STK32C: variants seen among roughly 807,000 people sequenced by gnomAD.
The protein encoded by STK32C is serine/threonine kinase 32C.
STK32C carries 31 observed loss-of-function variants against 56.5 expected under a neutral mutation model. That is an observed-to-expected ratio of 0.55 (90% CI 0.41 to 0.74). The LOEUF (loss-of-function observed/expected upper bound fraction) is 0.74, where lower values mean the gene tolerates loss of function less well. Ranked by LOEUF, STK32C falls within the 30% of genes least tolerant of loss-of-function variation. The pLI is 0.00. For missense variants in STK32C, 544 were observed against 676.9 expected (o/e 0.80, Z 2.18); for synonymous variants, 309 against 289.4 (o/e 1.07, Z -0.69).
At chr10:132,265,028 G>A (rs1033236795) in intron 1 of STK32C, among the ~76,000 whole-genome samples, 8 of 152,228 alleles carry the variant, frequency 5.3e-5, no homozygotes, top group African/African-American at 1.9e-4. Context: ...GCTGCAACAT[G>A]AGAACAGTAG....
intron 3 of STK32C, among the ~76,000 whole-genome samples, chr10:132,227,311 C>T (rs991588043): frequency 1.3e-5 from 2 of 152,354 alleles, no homozygotes; most frequent in Non-Finnish European, 2.9e-5. Flanking sequence ...CAGACATTTG[C>T]CTCGGAGGGT....
At chr10:132,224,884 G>A (rs1292772457) in intron 7 of STK32C, among the ~76,000 whole-genome samples, 1 of 152,160 alleles carries the variant, frequency 6.6e-6, no homozygotes, top group African/African-American at 2.4e-5. Context: ...TCCAGGACTG[G>A]CCTCGCCGTG....
chr10:132,265,205 TGGGCTCTGGGGGAGCTGCCAGGGCAGC>T (rs2064470776), intron 1 of STK32C, among the ~76,000 whole-genome samples: 2 of 137,926 alleles, frequency 1.5e-5, no homozygotes, highest in South Asian at 4.4e-4. Flanking sequence ...GGCAGTGAGG[TGGGCTCTGGGGGAGCTGCCAGGGCAGC>T]GAGGTGGCTC....
intron 1 of STK32C, among the ~76,000 whole-genome samples, chr10:132,261,896 C>T (rs910732842): frequency 6.6e-6 from 1 of 152,134 alleles, no homozygotes; most frequent in Non-Finnish European, 1.5e-5. Flanking sequence ...TTCAATGCTC[C>T]TCCTATCAAA....
At position 132,307,549 on chromosome 10, in the gene STK32C, G is replaced by T. The variant is rs777815203; in HGVS notation, c.262+23C>A. ...CCCTGCAATAGCGCGCGGCCCCCACGTCGTCCCCGTGCCCGCACTCACCGT... is the reference window on the plus strand; with the variant it reads ...CCCTGCAATAGCGCGCGGCCCCCACTTCGTCCCCGTGCCCGCACTCACCGT... On this transcript the variant is annotated intron_variant, in intron 1 of 11. Coordinates refer to ENST00000298630, the MANE Select transcript of STK32C (RefSeq NM_173575.4). This position sits in a 1 kb window ranked among gnomAD's most constrained non-coding sequence, Gnocchi z 4.4. 9 of 1,536,766 alleles carry T rather than the reference G, an allele frequency of 5.9e-6. No homozygotes were observed. The African/African-American group carries it at 1.2e-4, about 20-fold the overall frequency.
chr10:132,278,460 T>C (rs2065051657), intron 1 of STK32C, among the ~76,000 whole-genome samples: 2 of 119,722 alleles, frequency 1.7e-5, no homozygotes, highest in South Asian at 4.7e-4. Flanking sequence ...TAAACACAGT[T>C]TTTAAAAAAT....
intron 10 of STK32C, among the ~76,000 whole-genome samples, chr10:132,215,706 G>T (rs1353832604): frequency 6.6e-6 from 1 of 152,184 alleles, no homozygotes; most frequent in African/African-American, 2.4e-5. Context: ...TACCAGTAAA[G>T]TAGGGCGCTG....
At chr10:132,268,654 C>T in intron 1 of STK32C, among the ~76,000 whole-genome samples, 1 of 138,136 alleles carries the variant, frequency 7.2e-6, no homozygotes, top group East Asian at 2.3e-4. Context: ...GGTGTGTGTG[C>T]ATGCATGTGT....
At chr10:132,305,688 C>T (rs899908287) in intron 1 of STK32C, among the ~76,000 whole-genome samples, 1 of 152,264 alleles carries the variant, frequency 6.6e-6, no homozygotes, top group Non-Finnish European at 1.5e-5. Flanking sequence ...CCGGCATCCA[C>T]ACTCAGAGGT....
At chr10:132,242,916 C>T (rs2063556512) in intron 2 of STK32C, among the ~76,000 whole-genome samples, 1 of 152,182 alleles carries the variant, frequency 6.6e-6, no homozygotes, top group Non-Finnish European at 1.5e-5. Context: ...ACGCTGTACC[C>T]CCACCCAGGG....
intron 2 of STK32C, among the ~76,000 whole-genome samples, chr10:132,238,300 TCA>T (rs1394232594): frequency 9.9e-5 from 15 of 152,208 alleles, no homozygotes; most frequent in Admixed American, 9.8e-4. Flanking sequence ...GGTTTTATTA[TCA>T]CACAGGTGGG....
intron 1 of STK32C, among the ~76,000 whole-genome samples, chr10:132,299,980 C>G (rs939639919): frequency 6.6e-6 from 1 of 152,228 alleles, no homozygotes; most frequent in Non-Finnish European, 1.5e-5. Flanking sequence ...CCAAAACCCC[C>G]GCGGACTCCT....
chr10:132,234,462 T>C (rs762062402), intron 2 of STK32C, among the ~76,000 whole-genome samples: 2 of 152,204 alleles, frequency 1.3e-5, no homozygotes, highest in Non-Finnish European at 2.9e-5. Context: ...TGCTGCTAGG[T>C]GAGGTCTCTA....
At position 132,234,025 on chromosome 10, in the gene STK32C, C is replaced by T. The variant is rs569633206; in HGVS notation, c.319-5897G>A. ...GGTGCTTGCATGCAAGCGATCGTTC[C>T]GATGAGGTCTGGGATTCTTGGCTAT... On this transcript the variant is annotated intron_variant, in intron 2 of 11. Coordinates refer to ENST00000298630, the MANE Select transcript of STK32C (RefSeq NM_173575.4). 2.4e-4 allele frequency among the ~76,000 whole-genome samples: 36 copies of T among 152,308 alleles called. No individual in the cohort carries two copies. In the South Asian group the frequency reaches 5.6e-3, roughly 24 times the overall value.
intron 1 of STK32C, among the ~76,000 whole-genome samples, chr10:132,266,182 C>T (rs1159004945): frequency 5.3e-5 from 8 of 152,186 alleles, no homozygotes; most frequent in East Asian, 1.9e-4. Context: ...TCCATAGCCA[C>T]GTGGATGAAT....
At chr10:132,269,191 C>G (rs536961342) in intron 1 of STK32C, among the ~76,000 whole-genome samples, 5 of 150,932 alleles carry the variant, frequency 3.3e-5, no homozygotes, top group African/African-American at 1.2e-4. Flanking sequence ...GTGTGTGTGT[C>G]TGTGTGTGCA....
In STK32C at chr10:132,307,531, A is replaced by G. The variant is rs1008328753; in HGVS notation, c.262+41T>C. On this transcript the variant is annotated intron_variant, in intron 1 of 11. Transcript: ENST00000298630. The surrounding 1 kb of genome is among the most constrained non-coding windows in gnomAD (Gnocchi z 4.4). ...CCGCCCAGCCGCGCCCGCCCCTGCA[A>G]TAGCGCGCGGCCCCCACGTCGTCCC... The G allele has an allele frequency of 2.0e-6, 3 of 1,497,708 alleles. No individual in the cohort carries two copies. In the African/African-American group the frequency reaches 4.4e-5, roughly 22 times the overall value. The allele number at this position is 1,497,708 out of a possible 1,614,324, so 92.8% of individuals were successfully genotyped here. A position where few individuals can be genotyped will look rare whatever the true frequency, so the allele number is the denominator to read the frequency against.
intron 1 of STK32C, among the ~76,000 whole-genome samples, chr10:132,293,113 C>T (rs2065622293): frequency 6.6e-6 from 1 of 152,218 alleles, no homozygotes; most frequent in African/African-American, 2.4e-5. Flanking sequence ...GTCAGTGCAG[C>T]GCGTGCATGC....
At chr10:132,267,937 G>A (rs1457677756) in intron 1 of STK32C, among the ~76,000 whole-genome samples, 1 of 144,568 alleles carries the variant, frequency 6.9e-6, no homozygotes, top group Non-Finnish European at 1.5e-5. Flanking sequence ...GCATATGCAT[G>A]CAGGTTCAGC....
Sources: gnomAD v4.1 joint callset for allele counts (sites outside exome capture counted in the v4.1 genomes callset) on GRCh38, gnomAD v4.1.1 for gene constraint, Gnocchi (gnomAD v3.1) non-coding constraint, MANE v1.5 for transcripts, NCBI Gene and HGNC (gene_info 2026-07-23, HGNC 2026-07-21) for gene names.